GRID2: variants seen among roughly 807,000 people sequenced by gnomAD.
GRID2 encodes the protein glutamate receptor ionotropic, delta-2.
In GRID2, 33 loss-of-function variants were observed where a neutral mutation model predicts 114.8. That is an observed-to-expected ratio of 0.29 (90% CI 0.22 to 0.38). The LOEUF (loss-of-function observed/expected upper bound fraction) is 0.38, where lower values mean the gene tolerates loss of function less well. Among genes scored for constraint, GRID2 ranks in the 10% least tolerant of loss-of-function variants. The probability of loss-of-function intolerance (pLI) is 1.00; values close to 1 mark genes in which losing one functional copy is unlikely to be tolerated. For synonymous variants in GRID2, 505 were observed against 449.9 expected (o/e 1.12, Z -1.55); for missense variants, 1,184 against 1,257.7 (o/e 0.94, Z 0.89).
chr4:92,791,453 T>G (rs964561082), intron 2 of GRID2, among the ~76,000 whole-genome samples: 3 of 151,880 alleles, frequency 2.0e-5, no homozygotes, highest in African/African-American at 7.2e-5. Flanking sequence ...ATAATTTTTA[T>G]GATTAGTTTT....
At chr4:92,923,159 C>G (rs1749506887) in intron 2 of GRID2, among the ~76,000 whole-genome samples, 1 of 152,062 alleles carries the variant, frequency 6.6e-6, no homozygotes, top group South Asian at 2.1e-4. Flanking sequence ...ATGTAGTAAT[C>G]TTAATGCATA....
In GRID2 at chr4:93,222,243, G is replaced by T. The variant is rs557174720; in HGVS notation, c.964-2371G>T. On this transcript the variant is annotated intron_variant, in intron 6 of 15. Coordinates refer to ENST00000282020, the MANE Select transcript of GRID2 (RefSeq NM_001510.4). The stretch of plus-strand genomic sequence containing the variant: ...AAAGGTAGATTTAAAAAAGAATTTA[G>T]TATTCTGATATGTTTCAAAGACGTA... 8.9e-4 allele frequency among the ~76,000 whole-genome samples: 136 copies of T among 152,098 alleles called. 1 individual carries two copies. Among genetic ancestry groups the T allele is most frequent in the African/African-American group, 3.2e-3 (132 of 41,530 alleles).
intron 2 of GRID2, among the ~76,000 whole-genome samples, chr4:92,806,179 A>ACACT (rs1740405237): frequency 6.7e-6 from 1 of 148,642 alleles, no homozygotes; most frequent in Non-Finnish European, 1.5e-5. Context: ...ACACACACAC[A>ACACT]CACACACACA....
chr4:92,376,834 G>GCC (rs1409327728), intron 1 of GRID2, among the ~76,000 whole-genome samples: 1 of 152,102 alleles, frequency 6.6e-6, no homozygotes, highest in Non-Finnish European at 1.5e-5. Flanking sequence ...GTCTGAATTA[G>GCC]CCCCTTTCAG....
At chr4:92,404,939 A>G (rs576512401) in intron 1 of GRID2, among the ~76,000 whole-genome samples, 103 of 152,310 alleles carry the variant, frequency 6.8e-4, no homozygotes, top group African/African-American at 2.4e-3. Flanking sequence ...CTTAATATCT[A>G]GGTGATGGGT....
At chr4:93,482,558 G>T (rs747426777) in intron 11 of GRID2, among the ~76,000 whole-genome samples, 1 of 151,882 alleles carries the variant, frequency 6.6e-6, no homozygotes, top group Non-Finnish European at 1.5e-5. Flanking sequence ...AGGGAAGGGA[G>T]AGCATTAGGA....
intron 10 of GRID2, among the ~76,000 whole-genome samples, chr4:93,427,913 A>C (rs1434086069): frequency 6.6e-6 from 1 of 152,088 alleles, no homozygotes. Context: ...TACAGGAGAA[A>C]TATTTAAGGG....
At chr4:93,358,546 A>G (rs753663127) in intron 8 of GRID2, among the ~76,000 whole-genome samples, 1 of 151,980 alleles carries the variant, frequency 6.6e-6, no homozygotes, top group Non-Finnish European at 1.5e-5. Flanking sequence ...AAATAGATAA[A>G]TGGGGAAAAT....
At chr4:92,525,062 C>A (rs1412638882) in intron 1 of GRID2, among the ~76,000 whole-genome samples, 1 of 151,380 alleles carries the variant, frequency 6.6e-6, no homozygotes, top group Non-Finnish European at 1.5e-5. Flanking sequence ...AAAAGAAAAC[C>A]AAAGTGTCCA....
intron 2 of GRID2, among the ~76,000 whole-genome samples, chr4:92,728,561 A>C (rs1162811686): frequency 1.3e-5 from 2 of 152,014 alleles, no homozygotes; most frequent in Admixed American, 1.3e-4. Context: ...ACCAAGTCAA[A>C]GAGCACATGA....
chr4:92,998,698 A>G (rs1755354114), intron 2 of GRID2, among the ~76,000 whole-genome samples: 1 of 151,128 alleles, frequency 6.6e-6, no homozygotes, highest in Admixed American at 6.6e-5. Flanking sequence ...TTTTTTTTTC[A>G]AGAGGGTCCA....
chr4:93,091,254 G>A (rs113874996), intron 3 of GRID2, among the ~76,000 whole-genome samples: 3 of 152,204 alleles, frequency 2.0e-5, no homozygotes, highest in African/African-American at 7.2e-5. Context: ...GAGAATAGTG[G>A]CAGAGAAGGT....
At chr4:92,942,841 C>A (rs1751271912) in intron 2 of GRID2, among the ~76,000 whole-genome samples, 2 of 152,142 alleles carry the variant, frequency 1.3e-5, no homozygotes, top group Admixed American at 1.3e-4. Flanking sequence ...CTTAGTTTGG[C>A]TGGATATGAA....
chr4:92,919,332 T>G (rs1260315589), intron 2 of GRID2, among the ~76,000 whole-genome samples: 1 of 152,170 alleles, frequency 6.6e-6, no homozygotes, highest in East Asian at 1.9e-4. Flanking sequence ...TTTTAAAGGG[T>G]TTTTTGTGTC....
chr4:92,609,076 A>G (rs1729593834), intron 2 of GRID2, among the ~76,000 whole-genome samples: 1 of 151,746 alleles, frequency 6.6e-6, no homozygotes, highest in South Asian at 2.1e-4. Flanking sequence ...AGTAAAGATG[A>G]AGTGTTAGAG....
intron 2 of GRID2, among the ~76,000 whole-genome samples, chr4:92,845,636 A>G (rs908160913): frequency 6.6e-6 from 1 of 152,096 alleles, no homozygotes; most frequent in African/African-American, 2.4e-5. Flanking sequence ...CTACGAGTCC[A>G]ATGGATATCA....
intron 2 of GRID2, among the ~76,000 whole-genome samples, chr4:92,692,721 C>A (rs1400649470): frequency 6.6e-6 from 1 of 152,086 alleles, no homozygotes; most frequent in East Asian, 1.9e-4. Context: ...TGTGGCCAAG[C>A]ATATAGAAAT....
chr4:92,508,927 C>T (rs1041446176), intron 1 of GRID2, among the ~76,000 whole-genome samples: 5 of 151,724 alleles, frequency 3.3e-5, no homozygotes, highest in African/African-American at 1.2e-4. Flanking sequence ...GATCCAGGAT[C>T]CATTTTGAAG....
At chr4:92,919,935 T>C (rs903356366) in intron 2 of GRID2, among the ~76,000 whole-genome samples, 1 of 152,194 alleles carries the variant, frequency 6.6e-6, no homozygotes. Flanking sequence ...ATCTGTCTAA[T>C]GTTGACAGTG....
Sources: gnomAD v4.1 joint callset for allele counts (sites outside exome capture counted in the v4.1 genomes callset) on GRCh38, gnomAD v4.1.1 for gene constraint, MANE v1.5 for transcripts, NCBI Gene and HGNC (gene_info 2026-07-23, HGNC 2026-07-21) for gene names.